USP3: variants seen among roughly 807,000 people sequenced by gnomAD.
USP3 encodes the protein ubiquitin specific peptidase 3, also known as ubiquitin carboxyl-terminal hydrolase 3.
A neutral mutation model predicts 72.3 loss-of-function variants in USP3; 20 were observed. The ratio of observed to expected loss-of-function variants is 0.28; its 90% CI spans 0.19 to 0.40. The LOEUF is 0.40. Ranked by LOEUF, USP3 falls within the 10% of genes least tolerant of loss-of-function variation. The pLI, the probability that USP3 is intolerant of heterozygous loss-of-function variation, is 1.00. For missense variants in USP3, 479 were observed against 633.9 expected (o/e 0.76, Z 2.62); for synonymous variants, 222 against 225.3 (o/e 0.99, Z 0.13).
chr15:63,539,185 G>C (rs144697538), intron 3 of USP3, among the ~76,000 whole-genome samples: 67 of 151,846 alleles, frequency 4.4e-4, no homozygotes, highest in African/African-American at 1.6e-3. Flanking sequence ...GCAGAACTGT[G>C]TGTTTCTGTG....
chr15:63,519,293 A>G (rs1160097313), intron 1 of USP3, among the ~76,000 whole-genome samples: 3 of 148,814 alleles, frequency 2.0e-5, no homozygotes, highest in Non-Finnish European at 4.5e-5. Flanking sequence ...TTCATCTCCA[A>G]TAGTTCCTCA....
At chr15:63,526,123 A>G (rs1402863496) in intron 1 of USP3, among the ~76,000 whole-genome samples, 1 of 152,226 alleles carries the variant, frequency 6.6e-6, no homozygotes, top group Non-Finnish European at 1.5e-5. Flanking sequence ...TTAACAGTAT[A>G]GTGGCTCCTA....
chr15:63,568,878 A>G (rs1034218313), intron 8 of USP3, among the ~76,000 whole-genome samples: 2 of 152,212 alleles, frequency 1.3e-5, no homozygotes, highest in Non-Finnish European at 1.5e-5. Context: ...TAGTTTAAAG[A>G]AGATGTGTTT....
At chr15:63,559,633 G>GA (rs2066571433) in intron 6 of USP3, among the ~76,000 whole-genome samples, 2 of 152,084 alleles carry the variant, frequency 1.3e-5, no homozygotes, top group Non-Finnish European at 2.9e-5. Flanking sequence ...TCAGCTCTTT[G>GA]TTTTTTGTTT....
intron 1 of USP3, among the ~76,000 whole-genome samples, chr15:63,517,353 C>G (rs996485035): frequency 6.6e-6 from 1 of 152,142 alleles, no homozygotes; most frequent in African/African-American, 2.4e-5. Context: ...TCTTACCACT[C>G]CAGCAGTTCA....
intron 1 of USP3, among the ~76,000 whole-genome samples, chr15:63,519,505 C>T (rs912411877): frequency 7.9e-5 from 12 of 152,136 alleles, no homozygotes; most frequent in African/African-American, 2.4e-4. Context: ...TCTTCTCAGG[C>T]ATCATATCAA....
At chr15:63,577,495 G>A (rs1350792634) in intron 11 of USP3, among the ~76,000 whole-genome samples, 6 of 152,182 alleles carry the variant, frequency 3.9e-5, no homozygotes, top group East Asian at 1.9e-4. Context: ...GGTGGCTCAC[G>A]CCTGTAATCC....
chr15:63,532,421 T>C (rs2066090318), intron 1 of USP3: 1 of 593,838 alleles, frequency 1.7e-6, no homozygotes, highest in East Asian at 2.8e-5. Context: ...CTATTTGGGT[T>C]GAGTCAGCAA....
intron 3 of USP3, among the ~76,000 whole-genome samples, chr15:63,541,031 G>A (rs1006033015): frequency 6.6e-6 from 1 of 152,100 alleles, no homozygotes; most frequent in Non-Finnish European, 1.5e-5. Context: ...TTTTATGGAG[G>A]TAGACCTTTG....
At chr15:63,507,904 C>CT (rs35415341) in intron 1 of USP3, among the ~76,000 whole-genome samples, 122,216 of 152,082 alleles carry the variant, frequency 0.8, 50,947 homozygotes, top group Non-Finnish European at 0.86. Context: ...AATAGACCCA[C>CT]ACCCATAACA....
intron 1 of USP3, among the ~76,000 whole-genome samples, chr15:63,525,922 A>G (rs1019571200): frequency 1.3e-5 from 2 of 152,184 alleles, no homozygotes; most frequent in African/African-American, 4.8e-5. Context: ...CAAAATTTCA[A>G]AATTTTCATT....
chr15:63,580,660 A>ATATATATAT (rs60776150), intron 11 of USP3, among the ~76,000 whole-genome samples: 6,716 of 112,594 alleles, frequency 0.06, 554 homozygotes, highest in African/African-American at 0.11. Flanking sequence ...ATGAATATAT[A>ATATATATAT]ATATATATAT....
At chr15:63,565,337 G>A (rs976173976) in intron 8 of USP3, among the ~76,000 whole-genome samples, 2 of 152,040 alleles carry the variant, frequency 1.3e-5, no homozygotes, top group Non-Finnish European at 1.5e-5. Context: ...ACCTAGCAGG[G>A]AAAATTTTCT....
In USP3 at chr15:63,574,474, A is replaced by T. The variant is rs2066829573; in HGVS notation, c.1096+71A>T. On this transcript the variant is annotated intron_variant, in intron 11 of 14. Transcript: ENST00000380324. This position sits in a 1 kb window ranked among gnomAD's most constrained non-coding sequence, Gnocchi z 4.6. ...GAATAGATTGATAAGCTTCATCTAT[A>T]TGTGGTATCTTTAATTAATATCTTT... 4 of 1,156,186 alleles carry T rather than the reference A, an allele frequency of 3.5e-6. No individual in the cohort carries two copies. The highest frequency in any genetic ancestry group is 2.4e-6 in the Non-Finnish European group (2 of 822,526). The allele number at this position is 1,156,186 out of a possible 1,614,324, so 71.6% of individuals were successfully genotyped here.
At chr15:63,533,124 C>G (rs2066102482) in intron 2 of USP3, among the ~76,000 whole-genome samples, 2 of 151,980 alleles carry the variant, frequency 1.3e-5, no homozygotes, top group African/African-American at 4.8e-5. Context: ...ACATGGCAAT[C>G]TTTTTTCACC....
At position 63,509,342 on chromosome 15, in the gene USP3, G is replaced by C. The variant is rs535965121; in HGVS notation, c.91+4512G>C. 5.9e-5 allele frequency among the ~76,000 whole-genome samples: 9 copies of C among 152,232 alleles called. No homozygotes were observed. The East Asian group carries it at 1.5e-3, about 26-fold the overall frequency. ...AGGAACTATCACTTAGATGTGTCTGGCAGGGTCTTTATGTTGAAAATAAAC... is the reference window on the plus strand; with the variant it reads ...AGGAACTATCACTTAGATGTGTCTGCCAGGGTCTTTATGTTGAAAATAAAC... On this transcript the variant is annotated intron_variant, in intron 1 of 14. Transcript: ENST00000380324.
intron 11 of USP3, among the ~76,000 whole-genome samples, chr15:63,576,742 G>A (rs986042881): frequency 6.6e-6 from 1 of 152,190 alleles, no homozygotes; most frequent in Non-Finnish European, 1.5e-5. Context: ...GCTGGCTTTC[G>A]TTTGAATCCT....
At chr15:63,567,953 T>C (rs148982548) in intron 8 of USP3, among the ~76,000 whole-genome samples, 31 of 152,330 alleles carry the variant, frequency 2.0e-4, no homozygotes, top group African/African-American at 7.2e-4. Context: ...GTGTTTGCAG[T>C]GTGCTCTCTC....
At position 63,574,456 on chromosome 15, in the gene USP3, TTGA is replaced by T; in HGVS notation, c.1096+55_1096+57del. The T allele has an allele frequency of 7.4e-7, 1 of 1,352,336 alleles. No individual in the cohort carries two copies. Among genetic ancestry groups the T allele is most frequent in the East Asian group, 2.5e-5 (1 of 40,552 alleles). The allele number at this position is 1,352,336 out of a possible 1,614,324, so 83.8% of individuals were successfully genotyped here. A position where few individuals can be genotyped will look rare whatever the true frequency, so the allele number is the denominator to read the frequency against. On this transcript the variant is annotated intron_variant, in intron 11 of 14. Transcript: ENST00000380324. The surrounding 1 kb of genome is among the most constrained non-coding windows in gnomAD (Gnocchi z 4.6). ...TTTTTTCTTTAAATAATTGAATAGA[TTGA>T]TAAGCTTCATCTATATGTGGTATCT...
Sources: gnomAD v4.1 joint callset for allele counts (sites outside exome capture counted in the v4.1 genomes callset) on GRCh38, gnomAD v4.1.1 for gene constraint, Gnocchi (gnomAD v3.1) non-coding constraint, MANE v1.5 for transcripts, NCBI Gene and HGNC (gene_info 2026-07-23, HGNC 2026-07-21) for gene names.